Variants in RPTOR observed in about 807,000 individuals in gnomAD.
RPTOR encodes the protein regulatory-associated protein of mTOR.
Under a neutral mutation model 169.9 loss-of-function variants are expected in RPTOR, and 21 were observed. The ratio of observed to expected loss-of-function variants is 0.12; its 90% CI spans 0.09 to 0.18. The LOEUF (loss-of-function observed/expected upper bound fraction) is 0.18, where lower values mean the gene tolerates loss of function less well. Among genes scored for constraint, RPTOR ranks in the 10% least tolerant of loss-of-function variants. The pLI is 1.00. For missense variants in RPTOR, 1,133 were observed against 1,855.9 expected (o/e 0.61, Z 7.16); for synonymous variants, 732 against 753.2 (o/e 0.97, Z 0.46).
At chr17:80,741,150 G>C (rs1012678795) in intron 5 of RPTOR, among the ~76,000 whole-genome samples, 1 of 152,214 alleles carries the variant, frequency 6.6e-6, no homozygotes, top group African/African-American at 2.4e-5. Flanking sequence ...GAAACTGAGG[G>C]TCTCCCCGTG....
At chr17:80,948,100 C>CT (rs969181921) in intron 27 of RPTOR, among the ~76,000 whole-genome samples, 5 of 152,236 alleles carry the variant, frequency 3.3e-5, no homozygotes, top group African/African-American at 1.2e-4. Flanking sequence ...CTAGAGAGCG[C>CT]TGGGCGGGAG....
At chr17:80,724,066 G>A (rs1418199830) in intron 4 of RPTOR, among the ~76,000 whole-genome samples, 1 of 151,376 alleles carries the variant, frequency 6.6e-6, no homozygotes, top group Non-Finnish European at 1.5e-5. Context: ...GTATAAATCA[G>A]TGGAGTAAAG....
intron 6 of RPTOR, among the ~76,000 whole-genome samples, chr17:80,766,149 G>A (rs932453651): frequency 2.0e-5 from 3 of 152,042 alleles, no homozygotes; most frequent in East Asian, 3.9e-4. Context: ...TCAACTTCTC[G>A]GGCTCAAGCA....
At chr17:80,643,932 C>T (rs1599629905) in intron 3 of RPTOR, 122 bp downstream of exon 3, 2 of 733,260 alleles carry the variant, frequency 2.7e-6, no homozygotes, top group Non-Finnish European at 4.5e-6. Context: ...TGTGGCATGG[C>T]GCCTGCGCAC....
chr17:80,891,292 C>T (rs2068319788), intron 17 of RPTOR, among the ~76,000 whole-genome samples: 1 of 152,282 alleles, frequency 6.6e-6, no homozygotes, highest in African/African-American at 2.4e-5. Flanking sequence ...GCACTCGGCC[C>T]TGGGGCGCTC....
At chr17:80,922,861 G>A (rs2068762616) in intron 22 of RPTOR, 34 bp downstream of exon 22, 1 of 1,524,984 alleles carries the variant, frequency 6.6e-7, no homozygotes, top group Non-Finnish European at 8.8e-7. Flanking sequence ...CAGGTCCGTG[G>A]TGGTGACCGG....
At chr17:80,779,425 G>A (rs939497319) in intron 6 of RPTOR, among the ~76,000 whole-genome samples, 3 of 152,192 alleles carry the variant, frequency 2.0e-5, no homozygotes, top group Non-Finnish European at 4.4e-5. Context: ...TGCAGTCGGC[G>A]AGGAACTCCT....
Position 80,721,562 on chromosome 17 carries a change from A to G in RPTOR, c.508-8998A>G, listed in dbSNP as rs575335085. On this transcript the variant is annotated intron_variant, in intron 4 of 33. Coordinates refer to ENST00000306801, the MANE Select transcript of RPTOR (RefSeq NM_020761.3). The surrounding 1 kb of genome is among the most constrained non-coding windows in gnomAD (Gnocchi z 4.7). The stretch of plus-strand genomic sequence containing the variant: ...TCAGGGCGCTGCAGTTTGCAGGAGC[A>G]TCCTTTGGGCTCTTACCTCAGTCGG... Among the ~76,000 whole-genome samples the G allele has an allele frequency of 9.2e-5, 14 of 151,418 alleles. No individual in the cohort carries two copies. The East Asian group carries it at 2.1e-3, about 23-fold the overall frequency.
Position 80,726,907 on chromosome 17 carries a change from A to G in RPTOR, c.508-3653A>G. 6.6e-6 allele frequency among the ~76,000 whole-genome samples: 1 copy of G among 152,112 alleles called. No individual in the cohort carries two copies. The highest frequency in any genetic ancestry group is 1.9e-4 in the East Asian group (1 of 5,200). On this transcript the variant is annotated intron_variant, in intron 4 of 33. Coordinates refer to ENST00000306801, the MANE Select transcript of RPTOR (RefSeq NM_020761.3). The surrounding 1 kb of genome is among the most constrained non-coding windows in gnomAD (Gnocchi z 4.5). The stretch of plus-strand genomic sequence containing the variant: ...TCTTTTGGCCCTTCTTTCCCTTGGC[A>G]GCAGCATGGAAGTGGGTGGGGGAGG...
At chr17:80,937,363 C>T (rs2068967273) in intron 24 of RPTOR, among the ~76,000 whole-genome samples, 1 of 152,178 alleles carries the variant, frequency 6.6e-6, no homozygotes, top group African/African-American at 2.4e-5. Context: ...CCAGATTCCC[C>T]GGATAAGAAT....
At chr17:80,961,261 C>T (rs74001164) in intron 30 of RPTOR, 133 bp from the exon 31 acceptor site, 79 of 760,632 alleles carry the variant, frequency 1.0e-4, no homozygotes, top group Non-Finnish European at 5.4e-5. Flanking sequence ...ACTAGCCCCT[C>T]GTGGGGAGCG....
At chr17:80,900,620 T>G (rs999083646) in intron 20 of RPTOR, among the ~76,000 whole-genome samples, 2 of 152,252 alleles carry the variant, frequency 1.3e-5, no homozygotes, top group African/African-American at 2.4e-5. Context: ...TCGACTGGCC[T>G]TCTTCTTTCA....
At chr17:80,809,483 G>A (rs537053471) in intron 7 of RPTOR, among the ~76,000 whole-genome samples, 11 of 152,284 alleles carry the variant, frequency 7.2e-5, no homozygotes, top group South Asian at 2.1e-4. Context: ...GAGCTACCGC[G>A]TCCGGCCATC....
At chr17:80,865,590 A>G (rs1362544586) in intron 13 of RPTOR, among the ~76,000 whole-genome samples, 1 of 152,204 alleles carries the variant, frequency 6.6e-6, no homozygotes, top group Admixed American at 6.5e-5. Context: ...TCCATTCATC[A>G]TTCATCAAGA....
chr17:80,946,492 C>T (rs987811876), intron 26 of RPTOR, among the ~76,000 whole-genome samples: 1 of 152,234 alleles, frequency 6.6e-6, no homozygotes, highest in Non-Finnish European at 1.5e-5. Context: ...CTCCCCATTC[C>T]TGCATCCGCC....
At chr17:80,551,902 T>G (rs2084350582) in intron 1 of RPTOR, among the ~76,000 whole-genome samples, 2 of 152,188 alleles carry the variant, frequency 1.3e-5, no homozygotes, top group Admixed American at 1.3e-4. Flanking sequence ...TGTCCCTGGG[T>G]ACTTGAGATT....
intron 11 of RPTOR, among the ~76,000 whole-genome samples, chr17:80,852,754 G>A (rs1055380425): frequency 6.6e-6 from 1 of 151,612 alleles, no homozygotes; most frequent in Non-Finnish European, 1.5e-5. Context: ...TCCCACCACA[G>A]GGAAGCTCCT....
chr17:80,939,372 C>T (rs189047841), intron 24 of RPTOR, among the ~76,000 whole-genome samples: 1 of 152,340 alleles, frequency 6.6e-6, no homozygotes, highest in Admixed American at 6.5e-5. Context: ...TGCACGCACT[C>T]GCACACACGC....
intron 6 of RPTOR, among the ~76,000 whole-genome samples, chr17:80,784,317 T>G (rs2066970247): frequency 6.6e-6 from 1 of 152,196 alleles, no homozygotes; most frequent in Non-Finnish European, 1.5e-5. Flanking sequence ...GTGGGGATGT[T>G]TAGTTCTTTG....
Sources: gnomAD v4.1 joint callset for allele counts (sites outside exome capture counted in the v4.1 genomes callset) on GRCh38, gnomAD v4.1.1 for gene constraint, Gnocchi (gnomAD v3.1) non-coding constraint, MANE v1.5 for transcripts, NCBI Gene and HGNC (gene_info 2026-07-23, HGNC 2026-07-21) for gene names.